Variants in KAZN observed in about 807,000 individuals in gnomAD.
The protein encoded by KAZN is kazrin, periplakin interacting protein.
Under a neutral mutation model 87.4 loss-of-function variants are expected in KAZN, and 40 were observed. The observed-to-expected ratio is 0.46, with a 90% CI of 0.36 to 0.60. KAZN has a LOEUF of 0.60. Among genes scored for constraint, KAZN ranks in the 20% least tolerant of loss-of-function variants. The pLI is 0.00. For missense variants in KAZN, 898 were observed against 1,073.9 expected (o/e 0.84, Z 2.29); for synonymous variants, 466 against 458.3 (o/e 1.02, Z -0.22).
rs1676684462 is a variant in KAZN, at chr1:14,598,718, G to A, written c.-280G>A. On this transcript the variant is annotated 5_prime_UTR_variant, in exon 1 of 15. Coordinates refer to ENST00000376030, the MANE Select transcript of KAZN (RefSeq NM_201628.3). This position sits in a 1 kb window ranked among gnomAD's most constrained non-coding sequence, Gnocchi z 4.2. ...AGCAGCTCTCGGCGCCCGCCCGCCG[G>A]GGTCTCGGCGATCGCTGCTCCTCCT... 1 of 1,318,772 alleles carries A rather than the reference G, an allele frequency of 7.6e-7. No individual in the cohort carries two copies. Among genetic ancestry groups the A allele is most frequent in the Middle Eastern group, 2.8e-4 (1 of 3,546 alleles). 81.7% of individuals were successfully genotyped at this position (1,318,772 alleles called of 1,614,324 possible).
At chr1:14,538,151 A>G (rs977689260) in intron 2 of KAZN, among the ~76,000 whole-genome samples, 1 of 152,198 alleles carries the variant, frequency 6.6e-6, no homozygotes, top group African/African-American at 2.4e-5. Flanking sequence ...AGAACAATAT[A>G]TGGAGCAAGA....
At chr1:14,482,663 G>T (rs1669144150) in intron 2 of KAZN, among the ~76,000 whole-genome samples, 1 of 152,060 alleles carries the variant, frequency 6.6e-6, no homozygotes, top group Non-Finnish European at 1.5e-5. Context: ...GGGTCTTGGG[G>T]CAAGGGCGGG....
chr1:14,415,474 G>A (rs1162675673), intron 2 of KAZN, among the ~76,000 whole-genome samples: 1 of 152,144 alleles, frequency 6.6e-6, no homozygotes, highest in Non-Finnish European at 1.5e-5. Flanking sequence ...TGCTCCAGCT[G>A]ATTTCCAACA....
At chr1:14,253,805 C>T (rs1650260813) in intron 2 of KAZN, among the ~76,000 whole-genome samples, 1 of 151,920 alleles carries the variant, frequency 6.6e-6, no homozygotes, top group African/African-American at 2.4e-5. Context: ...TATCAGGGTG[C>T]TTTCTTTCAT....
chr1:14,579,903 G>T (rs548251362), intron 2 of KAZN, among the ~76,000 whole-genome samples: 1 of 151,758 alleles, frequency 6.6e-6, no homozygotes, highest in African/African-American at 2.4e-5. Context: ...GAGGCTGCCC[G>T]CTGCCTTTCA....
intron 1 of KAZN, among the ~76,000 whole-genome samples, chr1:14,152,336 A>G (rs1645494964): frequency 6.6e-6 from 1 of 152,116 alleles, no homozygotes; most frequent in African/African-American, 2.4e-5. Context: ...TGACCCTCCA[A>G]CTACCCTTCT....
chr1:14,304,349 T>C (rs1306416403), intron 2 of KAZN, among the ~76,000 whole-genome samples: 1 of 152,186 alleles, frequency 6.6e-6, no homozygotes, highest in Non-Finnish European at 1.5e-5. Context: ...AGCATATTCC[T>C]AAGGACCTGG....
intron 1 of KAZN, among the ~76,000 whole-genome samples, chr1:14,039,298 C>T (rs2294811): frequency 3.3e-5 from 5 of 152,138 alleles, no homozygotes; most frequent in African/African-American, 2.4e-5. Context: ...CCACTCTCTA[C>T]GTCTGCCTCC....
At chr1:14,955,281 G>T (rs2101733625) in intron 1 of KAZN, among the ~76,000 whole-genome samples, 1 of 152,396 alleles carries the variant, frequency 6.6e-6, no homozygotes, top group African/African-American at 2.4e-5. Flanking sequence ...CCAGGCACAT[G>T]TAAGCGCTTT....
At chr1:13,938,882 T>C (rs111314991) in intron 1 of KAZN, among the ~76,000 whole-genome samples, 2,494 of 152,344 alleles carry the variant, frequency 0.016, 64 homozygotes, top group African/African-American at 0.055. Flanking sequence ...GAGCTGTACT[T>C]GGGGTCCTTT....
At chr1:14,884,349 A>G (rs2807546) in intron 1 of KAZN, among the ~76,000 whole-genome samples, 112,174 of 151,844 alleles carry the variant, frequency 0.74, 41,986 homozygotes, top group East Asian at 0.96. Context: ...CCCAGATCAC[A>G]CCACTGCACT....
chr1:14,611,205 C>T (rs1677791114), intron 1 of KAZN, among the ~76,000 whole-genome samples: 1 of 152,158 alleles, frequency 6.6e-6, no homozygotes, highest in Non-Finnish European at 1.5e-5. Context: ...CCACTGACTC[C>T]TAAGTGGCAA....
chr1:14,765,317 C>G (rs1486230733), intron 1 of KAZN, among the ~76,000 whole-genome samples: 1 of 152,208 alleles, frequency 6.6e-6, no homozygotes, highest in East Asian at 1.9e-4. Context: ...AGAAGCAGTT[C>G]TCATTGGCCC....
At chr1:14,162,151 T>C (rs1645722931) in intron 1 of KAZN, among the ~76,000 whole-genome samples, 1 of 152,208 alleles carries the variant, frequency 6.6e-6, no homozygotes, top group Non-Finnish European at 1.5e-5. Flanking sequence ...TCAGTCACTG[T>C]TCCTTTTATA....
intron 2 of KAZN, among the ~76,000 whole-genome samples, chr1:14,477,880 C>G (rs149271317): frequency 6.6e-6 from 1 of 152,316 alleles, no homozygotes; most frequent in East Asian, 1.9e-4. Context: ...TAAATTACCT[C>G]CTCCTTCTTG....
intron 2 of KAZN, among the ~76,000 whole-genome samples, chr1:14,216,143 A>G (rs1245365748): frequency 6.6e-6 from 1 of 152,198 alleles, no homozygotes; most frequent in Non-Finnish European, 1.5e-5. Context: ...CAAATCATTA[A>G]TAGCAACAAG....
intron 2 of KAZN, among the ~76,000 whole-genome samples, chr1:14,545,732 T>G (rs750180689): frequency 1.3e-5 from 2 of 152,164 alleles, no homozygotes; most frequent in Non-Finnish European, 2.9e-5. Flanking sequence ...GGGGTCTCTG[T>G]TCATCAAAGT....
At chr1:14,882,860 C>T (rs1653488610) in intron 1 of KAZN, among the ~76,000 whole-genome samples, 1 of 152,118 alleles carries the variant, frequency 6.6e-6, no homozygotes, top group Admixed American at 6.5e-5. Context: ...TGACATCATC[C>T]TCCTTAGACA....
chr1:14,236,242 C>CATCTGGTTTT (rs1360772670), intron 2 of KAZN, among the ~76,000 whole-genome samples: 3 of 152,182 alleles, frequency 2.0e-5, no homozygotes, highest in African/African-American at 7.2e-5. Flanking sequence ...CTTTTGCCTT[C>CATCTGGTTTT]ATCTGGTTTT....
Sources: gnomAD v4.1 joint callset for allele counts (sites outside exome capture counted in the v4.1 genomes callset) on GRCh38, gnomAD v4.1.1 for gene constraint, Gnocchi (gnomAD v3.1) non-coding constraint, MANE v1.5 for transcripts, NCBI Gene and HGNC (gene_info 2026-07-23, HGNC 2026-07-21) for gene names.